The following FREM3 variants were observed in gnomAD, a reference collection of about 807,000 sequenced individuals.
The protein encoded by FREM3 is FRAS1 related extracellular matrix 3.
FREM3 carries 105 observed loss-of-function variants against 129.1 expected under a neutral mutation model. The ratio of observed to expected loss-of-function variants is 0.81; its 90% confidence interval spans 0.69 to 0.96. The LOEUF is 0.96. FREM3 is among the 40% of genes least tolerant of loss of function. FREM3 has a pLI of 0.00. For missense variants in FREM3, 2,593 were observed against 2,666.3 expected (o/e 0.97, Z 0.61); for synonymous variants, 1,014 against 1,044.9 (o/e 0.97, Z 0.57).
rs1251195072 is a variant in FREM3 at position 143,698,966 on chromosome 4, A to C, written c.1710T>G (p.Thr570=). 6.5e-7 allele frequency: 1 copy of C among 1,537,146 alleles called. No individual in the cohort carries two copies. The highest frequency in any genetic ancestry group is 8.7e-7 in the Non-Finnish European group (1 of 1,146,918). The change falls in exon 1 of 8, where the codon ACT becomes ACG. Residue 570 remains threonine (T), a synonymous_variant. Transcript: ENST00000329798. The part of the protein sequence containing the change: ...VQISPFVLSA[T]DIDSEDSTIH... The stretch of plus-strand genomic sequence containing the variant: ...TGGTTGAGTCCTCAGAGTCAATATC[A>C]GTAGCACTCAGTACAAAGGGAGAGA...
chr4:143,583,328 G>C (rs992315601), intron 7 of FREM3, among the ~76,000 whole-genome samples: 10 of 152,142 alleles, frequency 6.6e-5, no homozygotes, highest in African/African-American at 2.2e-4. Context: ...CCAAATCTAC[G>C]ACTCATTGGC....
At chr4:143,680,146 C>T (rs1285996422) in intron 2 of FREM3, among the ~76,000 whole-genome samples, 2 of 151,308 alleles carry the variant, frequency 1.3e-5, no homozygotes, top group Non-Finnish European at 2.9e-5. Context: ...TTAATAAAAA[C>T]AATTTATTAT....
intron 2 of FREM3, among the ~76,000 whole-genome samples, chr4:143,636,444 C>G (rs188146040): frequency 1.3e-5 from 2 of 150,774 alleles, no homozygotes; most frequent in African/African-American, 2.4e-5. Flanking sequence ...TTTGAGTGCA[C>G]AGTAAAGTGA....
At chr4:143,645,702 C>T (rs1198010510) in intron 2 of FREM3, among the ~76,000 whole-genome samples, 33 of 152,212 alleles carry the variant, frequency 2.2e-4, no homozygotes, top group Admixed American at 2.2e-3. Context: ...CTAGCCCCCA[C>T]AACTGTGTCA....
At position 143,699,747 on chromosome 4, in the gene FREM3, A is replaced by T. The variant is rs761035800; in HGVS notation, c.929T>A (p.Met310Lys). The T allele has an allele frequency of 1.3e-6, 2 of 1,520,246 alleles. No individual in the cohort carries two copies. The highest frequency in any genetic ancestry group is 1.4e-5 in the African/African-American group (1 of 72,870). The allele number at this position is 1,520,246 out of a possible 1,614,324, so 94.2% of individuals were successfully genotyped here. A position where few individuals can be genotyped will look rare whatever the true frequency, so the allele number is the denominator to read the frequency against. The change falls in exon 1 of 8, where the codon ATG (methionine) becomes AAG (lysine). Residue 310 changes from methionine to lysine, a missense_variant. By Grantham distance (95) the Met-to-Lys change is moderately conservative (BLOSUM62 -1). Around this residue, in one of 2 missense-constraint regions of FREM3, gnomAD observed 2,276 missense variants for 2,267.2 expected, o/e 1.00. Transcript: ENST00000329798. This position sits in a 1 kb window ranked among gnomAD's most constrained non-coding sequence, Gnocchi z 4.2. Reference protein sequence around the residue: ...AENTPPRPSFMATMMMEVDPL... With the variant: ...AENTPPRPSFKATMMMEVDPL... Reference sequence around the variant, plus strand: ...ATCCACCTCCATCATCATCGTGGCCATGAAGCTGGGCCTGGGCGGTGTGTT... The same window carrying T: ...ATCCACCTCCATCATCATCGTGGCCTTGAAGCTGGGCCTGGGCGGTGTGTT...
intron 6 of FREM3, among the ~76,000 whole-genome samples, chr4:143,595,012 C>G (rs1306836027): frequency 2.6e-5 from 4 of 152,148 alleles, no homozygotes; most frequent in Non-Finnish European, 5.9e-5. Context: ...AGAGAATGTT[C>G]TTTAAATGAA....
Position 143,621,102 on chromosome 4 carries a change from A to C in FREM3, c.5714T>G (p.Leu1905Trp). ...YKIEEDIGEL[L>W]IPVRRSGDAS... is the part of the protein sequence containing the mutation. Reference sequence around the variant, plus strand: ...ATCTCCAGATCGTCTTACTGGAATCAAAAGTTCCCCAATGTCCTCTTCTAT... The same window carrying C: ...ATCTCCAGATCGTCTTACTGGAATCCAAAGTTCCCCAATGTCCTCTTCTAT... The change falls in exon 5 of 8, where the codon TTG becomes TGG. Residue 1905 changes from leucine to tryptophan, a missense_variant. By Grantham distance (61) the Leu-to-Trp change is moderately conservative. Around this residue, in one of 2 missense-constraint regions of FREM3, gnomAD observed 317 missense variants for 399.0 expected, o/e 0.79. Coordinates refer to ENST00000329798, the MANE Select transcript of FREM3 (RefSeq NM_001168235.2). 6.5e-7 allele frequency: 1 copy of C among 1,537,130 alleles called. No homozygotes were observed. Among genetic ancestry groups the C allele is most frequent in the Non-Finnish European group, 8.7e-7 (1 of 1,146,776 alleles).
chr4:143,610,967 G>C (rs761725408), intron 6 of FREM3, among the ~76,000 whole-genome samples: 2 of 152,140 alleles, frequency 1.3e-5, no homozygotes, highest in Non-Finnish European at 2.9e-5. Flanking sequence ...GGTAGTCCTG[G>C]TTGGGTAATT....
intron 2 of FREM3, among the ~76,000 whole-genome samples, chr4:143,675,717 T>C (rs1445622213): frequency 6.6e-5 from 10 of 152,144 alleles, no homozygotes; most frequent in South Asian, 2.1e-4. Flanking sequence ...ATATCACCAC[T>C]GATCCCACAG....
At chr4:143,591,004 A>G (rs1738350103) in intron 6 of FREM3, among the ~76,000 whole-genome samples, 1 of 152,212 alleles carries the variant, frequency 6.6e-6, no homozygotes, top group African/African-American at 2.4e-5. Context: ...CATTTCTTCT[A>G]GATTTTCTAG....
intron 1 of FREM3, among the ~76,000 whole-genome samples, chr4:143,694,487 TG>T (rs1289965650): frequency 1.3e-5 from 2 of 152,236 alleles, no homozygotes; most frequent in African/African-American, 4.8e-5. Flanking sequence ...GTTTTTATAT[TG>T]GTAATTATTA....
intron 2 of FREM3, among the ~76,000 whole-genome samples, chr4:143,673,594 G>T (rs1285301945): frequency 6.6e-6 from 1 of 152,180 alleles, no homozygotes; most frequent in African/African-American, 2.4e-5. Context: ...CTCCATGCTA[G>T]GAGAACCACT....
At chr4:143,581,156 C>G (rs931335354) in intron 7 of FREM3, among the ~76,000 whole-genome samples, 1 of 152,176 alleles carries the variant, frequency 6.6e-6, no homozygotes, top group Non-Finnish European at 1.5e-5. Flanking sequence ...GTTCTCCATG[C>G]GAGTCCCTGC....
rs1361703508 is a variant in FREM3 at position 143,652,156 on chromosome 4, T to C, written c.5276-24396A>G. 1.5e-4 allele frequency among the ~76,000 whole-genome samples: 5 copies of C among 33,958 alleles called. 2 individuals are homozygous for C. The highest frequency in any genetic ancestry group is 3.3e-4 in the African/African-American group (5 of 14,934). 22.3% of individuals were successfully genotyped at this position (33,958 alleles called of 152,430 possible). ...TGGTCTTTTTCCTTTCTTTTTTTTT[T>C]TTTTTTTTTTTTTTTTTGAGACGGA... On this transcript the variant is annotated intron_variant, in intron 2 of 7. Transcript: ENST00000329798.
chr4:143,586,188 A>G (rs1255732536), intron 6 of FREM3, among the ~76,000 whole-genome samples, 195 bp from the exon 7 acceptor site: 1 of 152,178 alleles, frequency 6.6e-6, no homozygotes. Context: ...ACATACCATG[A>G]CTTTGACTCC....
rs1462377407 is a variant in FREM3, at chr4:143,699,838, C to T, written c.838G>A (p.Gly280Arg). 2.0e-6 allele frequency: 3 copies of T among 1,536,462 alleles called. No individual in the cohort carries two copies. Among genetic ancestry groups the T allele is most frequent in the Non-Finnish European group, 2.6e-6 (3 of 1,146,892 alleles). Residue 280 changes from glycine to arginine, a missense_variant, in exon 1 of 8, where the codon GGG (glycine) becomes AGG (arginine). By Grantham distance (125) the Gly-to-Arg change is moderately radical. Around this residue, in one of 2 missense-constraint regions of FREM3, gnomAD observed 2,276 missense variants for 2,267.2 expected, o/e 1.00. Transcript: ENST00000329798. This position sits in a 1 kb window ranked among gnomAD's most constrained non-coding sequence, Gnocchi z 4.2. ...ELLGPEGQDA[G>R]SAGVLVREHF... ...TCGCGGACCAGCACACCCGCGGACC[C>T]AGCGTCTTGGCCCTCAGGCCCCAGC... is the stretch of plus-strand genomic sequence containing the variant.
chr4:143,597,044 A>G (rs1738496364), intron 6 of FREM3, among the ~76,000 whole-genome samples: 1 of 152,198 alleles, frequency 6.6e-6, no homozygotes, highest in Non-Finnish European at 1.5e-5. Context: ...CTATGGATGA[A>G]TAAAAAGAGG....
intron 2 of FREM3, among the ~76,000 whole-genome samples, chr4:143,684,806 G>GA (rs1186835258): frequency 1.3e-5 from 2 of 152,172 alleles, no homozygotes; most frequent in Non-Finnish European, 2.9e-5. Context: ...ATAGCTTAGA[G>GA]AAAAAACCAT....
In FREM3 at chr4:143,700,256, C is replaced by G; in HGVS notation, c.420G>C (p.Leu140=). 1 of 1,536,696 alleles carries G rather than the reference C, an allele frequency of 6.5e-7. No individual in the cohort carries two copies. Among genetic ancestry groups the G allele is most frequent in the South Asian group, 1.2e-5 (1 of 84,052 alleles). Residue 140 remains leucine, a synonymous_variant, in exon 1 of 8, where the codon CTG becomes CTC. Coordinates refer to ENST00000329798, the MANE Select transcript of FREM3 (RefSeq NM_001168235.2). The stretch of plus-strand genomic sequence containing the variant: ...TCGGGGCGTCGTAGCGCAGCTGCAG[C>G]AGCACCCGGGCGCGTCCGGGGCTGT... ...GSHSPGRARV[L]LQLRYDAPTH... is the part of the protein sequence containing the mutation.
Sources: allele counts gnomAD v4.1 joint callset (sites outside exome capture counted in the v4.1 genomes callset), GRCh38; gene constraint gnomAD v4.1.1; regional missense constraint gnomAD v4.1.1; non-coding constraint Gnocchi (gnomAD v3.1); transcripts MANE v1.5; gene names NCBI Gene and HGNC (gene_info 2026-07-23, HGNC 2026-07-21).